Variants in SCAI observed in about 807,000 individuals in gnomAD.
SCAI encodes protein SCAI.
A neutral mutation model predicts 92.2 loss-of-function variants in SCAI; 24 were observed. That is an observed-to-expected ratio of 0.26 (90% CI 0.19 to 0.37). The LOEUF is 0.37. SCAI is among the 10% of genes least tolerant of loss of function. SCAI has a pLI of 1.00. For missense variants in SCAI, 450 were observed against 736.2 expected (o/e 0.61, Z 4.50); for synonymous variants, 261 against 258.6 (o/e 1.01, Z -0.09).
chr9:125,026,672 G>C (rs1346120839), intron 6 of SCAI, 140 bp downstream of exon 6: 1 of 494,080 alleles, frequency 2.0e-6, no homozygotes, highest in Non-Finnish European at 3.6e-6. Flanking sequence ...GCTTTCGAAG[G>C]TCTATTACAT....
chr9:124,982,423 G>T (rs377043584), intron 14 of SCAI, among the ~76,000 whole-genome samples: 1 of 152,102 alleles, frequency 6.6e-6, no homozygotes, highest in Non-Finnish European at 1.5e-5. Context: ...TGTAATCGCA[G>T]CATTTTGGGA....
chr9:125,026,973 T>A, intron 5 of SCAI, 63 bp from the exon 6 acceptor site: 3 of 943,526 alleles, frequency 3.2e-6, no homozygotes, highest in Non-Finnish European at 4.9e-6. Context: ...TGGTAAATAC[T>A]TGTTCTATAT....
intron 2 of SCAI, among the ~76,000 whole-genome samples, chr9:125,099,004 T>A (rs147784864): frequency 3.9e-5 from 6 of 152,242 alleles, no homozygotes; most frequent in Admixed American, 2.6e-4. Context: ...TGTCCAAAAT[T>A]GTCTTTACCG....
chr9:125,095,752 T>C (rs926982057), intron 2 of SCAI, among the ~76,000 whole-genome samples: 33 of 152,198 alleles, frequency 2.2e-4, no homozygotes, highest in Non-Finnish European at 3.8e-4. Context: ...TTGAGCATCT[T>C]GGACCACGTG....
chr9:125,039,594 A>G (rs1833278419), intron 3 of SCAI, among the ~76,000 whole-genome samples: 1 of 152,138 alleles, frequency 6.6e-6, no homozygotes, highest in Non-Finnish European at 1.5e-5. Flanking sequence ...TGGGTAGGCA[A>G]TTAGATGTGA....
intron 14 of SCAI, among the ~76,000 whole-genome samples, chr9:124,977,200 T>G (rs1285594942): frequency 6.6e-6 from 1 of 152,094 alleles, no homozygotes; most frequent in Non-Finnish European, 1.5e-5. Flanking sequence ...GATAAAACAA[T>G]TCTAAAATGT....
intron 2 of SCAI, among the ~76,000 whole-genome samples, chr9:125,067,137 G>A (rs1833889142): frequency 6.6e-6 from 1 of 152,098 alleles, no homozygotes; most frequent in South Asian, 2.1e-4. Context: ...GACACTTGTG[G>A]GAAGCACATG....
At chr9:124,994,760 T>C (rs1308753137) in intron 14 of SCAI, among the ~76,000 whole-genome samples, 174 bp downstream of exon 14, 1 of 152,198 alleles carries the variant, frequency 6.6e-6, no homozygotes, top group African/African-American at 2.4e-5. Context: ...CTTGTTTCTA[T>C]TCATAGCACC....
chr9:125,128,748 G>A (rs576259716), intron 2 of SCAI, among the ~76,000 whole-genome samples: 10 of 147,252 alleles, frequency 6.8e-5, no homozygotes, highest in South Asian at 2.2e-4. Context: ...GCGAAACTCC[G>A]TCTCAAAAAA....
At chr9:124,983,495 G>A (rs1164377164) in intron 14 of SCAI, among the ~76,000 whole-genome samples, 3 of 152,166 alleles carry the variant, frequency 2.0e-5, no homozygotes, top group Non-Finnish European at 4.4e-5. Context: ...TGGGATTACA[G>A]GCATGTGCCA....
rs541370410 is a variant in SCAI, at chr9:124,944,271, C to T, written c.*8536G>A. On this transcript the variant is annotated 3_prime_UTR_variant, in exon 18 of 18. Coordinates refer to ENST00000336505, the MANE Select transcript of SCAI (RefSeq NM_001144877.3). ...GATACAGTAACAAGTTAACAAAAAC[C>T]ATTCTTCAGGAAATAGTAATAAAAA... 6.1e-4 allele frequency: 92 copies of T among 151,336 alleles called. No individual in the cohort carries two copies. Among genetic ancestry groups the T allele is most frequent in the Middle Eastern group, 3.4e-3 (1 of 292 alleles). 9.4% of individuals were successfully genotyped at this position (151,336 alleles called of 1,614,324 possible).
chr9:124,942,760 GACA>G lies in SCAI; in HGVS notation c.*10044_*10046del, dbSNP rs1177764402. The G allele has an allele frequency of 2.0e-5, 3 of 152,126 alleles. No individual in the cohort carries two copies. Among genetic ancestry groups the G allele is most frequent in the Non-Finnish European group, 4.4e-5 (3 of 68,016 alleles). The allele number at this position is 152,126 out of a possible 1,614,324, so 9.4% of individuals were successfully genotyped here. Reference sequence around the variant, plus strand: ...AATGTGAAAATTTCTTTAATACACTGACAACAAAAATCAAATATTCTCTAATCT... The same window carrying G: ...AATGTGAAAATTTCTTTAATACACTGACAAAAATCAAATATTCTCTAATCT... On this transcript the variant is annotated 3_prime_UTR_variant, in exon 18 of 18. Transcript: ENST00000336505.
chr9:125,024,169 G>A (rs1832921602), intron 6 of SCAI, among the ~76,000 whole-genome samples: 1 of 151,140 alleles, frequency 6.6e-6, no homozygotes, highest in Non-Finnish European at 1.5e-5. Flanking sequence ...TGTTTCTTCT[G>A]AACAATAAAT....
At chr9:125,046,486 T>C (rs1433440473) in intron 3 of SCAI, among the ~76,000 whole-genome samples, 9 of 148,964 alleles carry the variant, frequency 6.0e-5, no homozygotes, top group South Asian at 2.1e-4. Flanking sequence ...TTCTCAGTCA[T>C]AGGTGGAAGC....
intron 14 of SCAI, among the ~76,000 whole-genome samples, chr9:124,991,284 G>A (rs369910507): frequency 4.1e-5 from 6 of 144,846 alleles, no homozygotes; most frequent in South Asian, 2.2e-4. Flanking sequence ...CCCAGGAGGC[G>A]GAGGTTGCAG....
intron 2 of SCAI, among the ~76,000 whole-genome samples, chr9:125,108,223 G>C (rs1033085097): frequency 6.6e-6 from 1 of 152,270 alleles, no homozygotes; most frequent in South Asian, 2.1e-4. Flanking sequence ...CTCCCAAAGT[G>C]CCGAGATTGC....
chr9:125,087,700 A>G (rs1365535631), intron 2 of SCAI, among the ~76,000 whole-genome samples: 2 of 152,224 alleles, frequency 1.3e-5, no homozygotes, highest in Non-Finnish European at 2.9e-5. Flanking sequence ...CTCTTTCATT[A>G]TGTGAAATCT....
At chr9:125,020,412 T>C (rs963497900) in intron 7 of SCAI, among the ~76,000 whole-genome samples, 2 of 152,146 alleles carry the variant, frequency 1.3e-5, no homozygotes, top group African/African-American at 2.4e-5. Flanking sequence ...TTCCCAGCCA[T>C]CCACTGATGG....
chr9:125,027,098 T>A (rs1398699572), intron 5 of SCAI, among the ~76,000 whole-genome samples, 188 bp from the exon 6 acceptor site: 4 of 152,074 alleles, frequency 2.6e-5, no homozygotes, highest in Non-Finnish European at 5.9e-5. Context: ...AATAATGAAA[T>A]TTTTTTAAAA....
Sources: gnomAD v4.1 joint callset for allele counts (sites outside exome capture counted in the v4.1 genomes callset) on GRCh38, gnomAD v4.1.1 for gene constraint, MANE v1.5 for transcripts, NCBI Gene and HGNC (gene_info 2026-07-23, HGNC 2026-07-21) for gene names.